MOXD1: variants seen among roughly 807,000 people sequenced by gnomAD.
MOXD1 encodes monooxygenase DBH like 1.
Under a neutral mutation model 66.6 loss-of-function variants are expected in MOXD1, and 62 were observed. The ratio of observed to expected loss-of-function variants is 0.93; its 90% CI spans 0.76 to 1.15. The LOEUF is 1.15. Among genes scored for constraint, MOXD1 ranks in the 50% most tolerant of loss-of-function variants. MOXD1 has a pLI of 0.00. For missense variants in MOXD1, 847 were observed against 754.6 expected, an observed-to-expected ratio of 1.12 and a Z score of -1.44; for synonymous variants, 303 against 281.9, an observed-to-expected ratio of 1.07 and a Z score of -0.75.
chr6:132,304,383 T>C (rs1774639663), intron 10 of MOXD1, among the ~76,000 whole-genome samples: 1 of 152,166 alleles, frequency 6.6e-6, no homozygotes, highest in Non-Finnish European at 1.5e-5. Flanking sequence ...TCTAAGCTAT[T>C]TTGTTATCCC....
At chr6:132,303,098 A>G (rs1309854756) in intron 10 of MOXD1, among the ~76,000 whole-genome samples, 2 of 151,480 alleles carry the variant, frequency 1.3e-5, no homozygotes, top group Non-Finnish European at 2.9e-5. Flanking sequence ...CAGGGGGAAA[A>G]CAAGAGAAAG....
At chr6:132,362,079 T>A (rs1776028031) in intron 4 of MOXD1, among the ~76,000 whole-genome samples, 1 of 152,096 alleles carries the variant, frequency 6.6e-6, no homozygotes, top group Non-Finnish European at 1.5e-5. Flanking sequence ...CATTGTTGTA[T>A]CATAGGGCAA....
intron 1 of MOXD1, among the ~76,000 whole-genome samples, chr6:132,387,321 A>C (rs1257816629): frequency 1.3e-5 from 2 of 151,392 alleles, no homozygotes; most frequent in Non-Finnish European, 1.5e-5. Flanking sequence ...GTGTACATGC[A>C]CAGATCATTT....
chr6:132,312,186 A>C (rs567752993), intron 10 of MOXD1, among the ~76,000 whole-genome samples: 5 of 152,164 alleles, frequency 3.3e-5, no homozygotes, highest in African/African-American at 1.2e-4. Flanking sequence ...GAGAACAGAC[A>C]ATAAAATTGA....
intron 1 of MOXD1, among the ~76,000 whole-genome samples, chr6:132,400,832 C>T (rs1386545226): frequency 6.6e-6 from 1 of 152,196 alleles, no homozygotes; most frequent in Non-Finnish European, 1.5e-5. Context: ...AGCCTAGGTC[C>T]TTCTCCCTTC....
At chr6:132,359,105 A>G (rs1274358447) in intron 4 of MOXD1, among the ~76,000 whole-genome samples, 9 of 150,992 alleles carry the variant, frequency 6.0e-5, no homozygotes, top group Non-Finnish European at 1.2e-4. Context: ...CCTCTTAGGA[A>G]CTGCCTGCAG....
intron 4 of MOXD1, among the ~76,000 whole-genome samples, chr6:132,362,892 C>T (rs1171436022): frequency 6.6e-6 from 1 of 152,184 alleles, no homozygotes; most frequent in Non-Finnish European, 1.5e-5. Context: ...TTAGCCTAAT[C>T]ATCTTACTCT....
At chr6:132,318,735 A>G (rs1457619293) in intron 9 of MOXD1, among the ~76,000 whole-genome samples, 1 of 151,920 alleles carries the variant, frequency 6.6e-6, no homozygotes, top group Non-Finnish European at 1.5e-5. Flanking sequence ...ATTCTTAACT[A>G]CTCCAAAGTC....
chr6:132,303,863 A>G lies in MOXD1; in HGVS notation c.1509-5908T>C, dbSNP rs1186067376. On this transcript the variant is annotated intron_variant, in intron 10 of 11. Transcript: ENST00000367963. ...TATATATATATATATATATATATAT[A>G]TATATATATATATATACATATATAC... Among the ~76,000 whole-genome samples the G allele has an allele frequency of 2.0e-4, 12 of 60,500 alleles. 1 individual carries two copies. In the East Asian group the frequency reaches 2.5e-3, roughly 12 times the overall value. 39.7% of individuals were successfully genotyped at this position (60,500 alleles called of 152,430 possible).
intron 1 of MOXD1, 74 bp downstream of exon 1, chr6:132,401,089 C>A (rs890836688): frequency 3.6e-6 from 5 of 1,390,560 alleles, no homozygotes; most frequent in Non-Finnish European, 4.6e-6. Context: ...GGGGACGACC[C>A]GCACCTGCGC....
Position 132,301,198 on chromosome 6 carries a change from T to TTATA in MOXD1, c.1509-3247_1509-3244dup, listed in dbSNP as rs34981314. Reference sequence around the variant, plus strand: ...CATACATACATGTAAACGAATGGTATTATATATATATATATATATATATAT... The same window carrying TTATA: ...CATACATACATGTAAACGAATGGTATTATATATATATATATATATATATATATAT... On this transcript the variant is annotated intron_variant, in intron 10 of 11. Transcript: ENST00000367963. Among the ~76,000 whole-genome samples, 557 of 145,918 alleles carry TTATA rather than the reference T, an allele frequency of 3.8e-3. 6 individuals carry two copies. Among genetic ancestry groups the TTATA allele is most frequent in the South Asian group, 5.8e-3 (27 of 4,622 alleles).
At chr6:132,314,068 C>T (rs1774889359) in intron 10 of MOXD1, among the ~76,000 whole-genome samples, 1 of 152,104 alleles carries the variant, frequency 6.6e-6, no homozygotes, top group Admixed American at 6.5e-5. Context: ...AAATTTCCAC[C>T]AGCCATTCTA....
chr6:132,336,144 C>T (rs1010868292), intron 4 of MOXD1, among the ~76,000 whole-genome samples: 2 of 152,088 alleles, frequency 1.3e-5, no homozygotes, highest in African/African-American at 2.4e-5. Context: ...ACTTGCAACT[C>T]GATAAATTCA....
intron 11 of MOXD1, 99 bp downstream of exon 11, chr6:132,297,688 C>G: frequency 7.2e-7 from 1 of 1,389,512 alleles, no homozygotes; most frequent in African/African-American, 1.5e-5. Flanking sequence ...GGCAACTGGA[C>G]CCCTGGATTT....
In MOXD1 at chr6:132,357,436, A is replaced by C. The variant is rs1440568796; in HGVS notation, c.663+15172T>G. On this transcript the variant is annotated intron_variant, in intron 4 of 11. Coordinates refer to ENST00000367963, the MANE Select transcript of MOXD1 (RefSeq NM_015529.4). Reference sequence around the variant, plus strand: ...AAGAGTTTGCCTTACTAAACAAATCAGGTTCATCTGGCAGTCCAGTTCTTA... The same window carrying C: ...AAGAGTTTGCCTTACTAAACAAATCCGGTTCATCTGGCAGTCCAGTTCTTA... 2.0e-5 allele frequency among the ~76,000 whole-genome samples: 3 copies of C among 152,264 alleles called. No individual in the cohort carries two copies. In the East Asian group the frequency reaches 5.8e-4, roughly 29 times the overall value.
intron 7 of MOXD1, among the ~76,000 whole-genome samples, chr6:132,323,208 A>T (rs2114572999): frequency 6.6e-6 from 1 of 152,346 alleles, no homozygotes; most frequent in East Asian, 1.9e-4. Flanking sequence ...CCAAATTCTT[A>T]AAAGGAAATA....
At chr6:132,323,181 G>C (rs902553264) in intron 7 of MOXD1, among the ~76,000 whole-genome samples, 3 of 152,100 alleles carry the variant, frequency 2.0e-5, no homozygotes, top group African/African-American at 7.2e-5. Flanking sequence ...ATTCCAGTAT[G>C]TTAGTAACCT....
At chr6:132,307,122 G>A (rs568891240) in intron 10 of MOXD1, among the ~76,000 whole-genome samples, 31 of 152,048 alleles carry the variant, frequency 2.0e-4, no homozygotes, top group Non-Finnish European at 3.8e-4. Flanking sequence ...TTCAGGAGAC[G>A]CATCTCACGT....
At chr6:132,300,176 G>T (rs1774500707) in intron 10 of MOXD1, among the ~76,000 whole-genome samples, 1 of 151,934 alleles carries the variant, frequency 6.6e-6, no homozygotes, top group South Asian at 2.1e-4. Context: ...TTAAAGTGAA[G>T]CCCCATAAAG....
Sources: allele counts gnomAD v4.1 joint callset (sites outside exome capture counted in the v4.1 genomes callset), GRCh38; gene constraint gnomAD v4.1.1; transcripts MANE v1.5; gene names NCBI Gene and HGNC (gene_info 2026-07-23, HGNC 2026-07-21).